The following GIPC2 variants were observed in gnomAD, a reference collection of about 807,000 sequenced individuals.
GIPC2 encodes PDZ domain-containing protein GIPC2.
A neutral mutation model predicts 30.6 loss-of-function variants in GIPC2; 30 were observed. The observed-to-expected ratio is 0.98, with a 90% CI of 0.73 to 1.33. The LOEUF (loss-of-function observed/expected upper bound fraction) is 1.33, where lower values mean the gene tolerates loss of function less well. GIPC2 is among the 40% of genes most tolerant of loss of function. The pLI is 0.00. For synonymous variants in GIPC2, 167 were observed against 150.0 expected (o/e 1.11, Z -0.83); for missense variants, 414 against 390.3 (o/e 1.06, Z -0.51).
chr1:78,068,135 A>T (rs191670855), intron 1 of GIPC2, among the ~76,000 whole-genome samples: 1 of 152,350 alleles, frequency 6.6e-6, no homozygotes, highest in East Asian at 1.9e-4. Context: ...TAAGCCAAAA[A>T]AAAAACCTTT....
Position 78,101,166 on chromosome 1 carries a change from G to C in GIPC2, c.607+6034G>C, listed in dbSNP as rs1400579991. ...GGGGCAGAAAGAGAAGGAGGAGCCA[G>C]CACTGAGGAATGGCCAGACATGGAG... On this transcript the variant is annotated intron_variant, in intron 3 of 5. Coordinates refer to ENST00000370759, the MANE Select transcript of GIPC2 (RefSeq NM_017655.6). Among the ~76,000 whole-genome samples the C allele has an allele frequency of 3.3e-5, 5 of 152,292 alleles. No homozygotes were observed. In the South Asian group the frequency reaches 8.3e-4, roughly 25 times the overall value.
At chr1:78,123,795 C>T (rs1230978315) in intron 4 of GIPC2, among the ~76,000 whole-genome samples, 1 of 152,164 alleles carries the variant, frequency 6.6e-6, no homozygotes, top group African/African-American at 2.4e-5. Context: ...GTCACCGTAA[C>T]TTAAAACGTG....
Position 78,093,792 on chromosome 1 carries a change from C to T in GIPC2, c.427-1160C>T, listed in dbSNP as rs548691532. ...TATCATTCCTATGAAGGATTTGGGA[C>T]TTCTGAGACAGATTATGGCCTTCAT... is the stretch of plus-strand genomic sequence containing the variant. On this transcript the variant is annotated intron_variant, in intron 2 of 5. Coordinates refer to ENST00000370759, the MANE Select transcript of GIPC2 (RefSeq NM_017655.6). 2.0e-5 allele frequency among the ~76,000 whole-genome samples: 3 copies of T among 152,278 alleles called. No individual in the cohort carries two copies. The East Asian group carries it at 5.8e-4, about 29-fold the overall frequency.
chr1:78,114,036 T>G (rs1338920149), intron 3 of GIPC2, among the ~76,000 whole-genome samples: 1 of 152,192 alleles, frequency 6.6e-6, no homozygotes, highest in Non-Finnish European at 1.5e-5. Flanking sequence ...CAAAAAGGTC[T>G]GGGAACAAAC....
intron 4 of GIPC2, among the ~76,000 whole-genome samples, chr1:78,122,138 A>G (rs1455459706): frequency 1.3e-5 from 2 of 152,216 alleles, no homozygotes; most frequent in Non-Finnish European, 2.9e-5. Flanking sequence ...GATTCATTCA[A>G]AGATAAACAT....
intron 2 of GIPC2, among the ~76,000 whole-genome samples, chr1:78,087,860 G>A (rs771011654): frequency 2.0e-5 from 3 of 152,082 alleles, no homozygotes; most frequent in South Asian, 2.1e-4. Context: ...TGCAAACTAT[G>A]TATCTGATAA....
chr1:78,054,421 A>T (rs1044899711), intron 1 of GIPC2, among the ~76,000 whole-genome samples: 8 of 152,242 alleles, frequency 5.3e-5, no homozygotes, highest in Non-Finnish European at 1.2e-4. Context: ...GTAAGACTAC[A>T]AATGTCCTTG....
At chr1:78,135,066 A>G (rs1217336383) in intron 5 of GIPC2, among the ~76,000 whole-genome samples, 2 of 152,206 alleles carry the variant, frequency 1.3e-5, no homozygotes, top group African/African-American at 2.4e-5. Context: ...CCACAGGTAG[A>G]CAGATGTCTT....
chr1:78,065,041 G>C (rs900399816), intron 1 of GIPC2, among the ~76,000 whole-genome samples: 1 of 151,896 alleles, frequency 6.6e-6, no homozygotes, highest in Non-Finnish European at 1.5e-5. Context: ...CACTGTGCCC[G>C]GCCCTCACTG....
chr1:78,106,904 G>A (rs1662364107), intron 3 of GIPC2, among the ~76,000 whole-genome samples: 1 of 152,052 alleles, frequency 6.6e-6, no homozygotes, highest in South Asian at 2.1e-4. Context: ...TCGAACTCGC[G>A]ACCTCAGGTG....
intron 1 of GIPC2, 96 bp downstream of exon 1, chr1:78,046,430 C>G: frequency 8.4e-7 from 1 of 1,188,820 alleles, no homozygotes; most frequent in Non-Finnish European, 1.2e-6. Context: ...GCGGCGTTTC[C>G]CGGAGCGCGA....
chr1:78,126,727 C>T (rs148170212), intron 5 of GIPC2, among the ~76,000 whole-genome samples: 3 of 152,280 alleles, frequency 2.0e-5, no homozygotes, highest in East Asian at 3.9e-4. Context: ...TTCAGTCTCT[C>T]CCTCATGGGG....
chr1:78,109,387 A>G (rs1044975979), intron 3 of GIPC2, among the ~76,000 whole-genome samples: 1 of 152,234 alleles, frequency 6.6e-6, no homozygotes, highest in African/African-American at 2.4e-5. Context: ...AACCAATGAG[A>G]GTTATTTACC....
intron 3 of GIPC2, among the ~76,000 whole-genome samples, chr1:78,106,939 G>T (rs1013114635): frequency 6.6e-6 from 1 of 152,090 alleles, no homozygotes; most frequent in East Asian, 1.9e-4. Flanking sequence ...GCCTCCCAAG[G>T]TGCTGGGATT....
chr1:78,094,084 T>G (rs1328874390), intron 2 of GIPC2, among the ~76,000 whole-genome samples: 4 of 152,200 alleles, frequency 2.6e-5, no homozygotes, highest in Non-Finnish European at 5.9e-5. Context: ...TGAAAAACAA[T>G]AGCATCAAAT....
intron 3 of GIPC2, among the ~76,000 whole-genome samples, chr1:78,107,897 T>C (rs1294452274): frequency 6.7e-6 from 1 of 148,304 alleles, no homozygotes; most frequent in Non-Finnish European, 1.5e-5. Flanking sequence ...TTATTCTACG[T>C]ATTGTAGCTT....
chr1:78,069,030 G>A, intron 1 of GIPC2: 1 of 980,846 alleles, frequency 1.0e-6, no homozygotes, highest in Non-Finnish European at 1.2e-6. Context: ...AGTCTTGCAG[G>A]CAGGAATGGC....
chr1:78,137,229 C>G lies in GIPC2; in HGVS notation c.*1486C>G, dbSNP rs905144829. ...GTTGCTTATCATTTGAAAATAAAAT[C>G]CAGCTCAGGTTGTAACTTGTTGGTA... On this transcript the variant is annotated 3_prime_UTR_variant, in exon 6 of 6. Coordinates refer to ENST00000370759, the MANE Select transcript of GIPC2 (RefSeq NM_017655.6). 5.3e-5 allele frequency: 8 copies of G among 152,044 alleles called. No homozygotes were observed. The highest frequency in any genetic ancestry group is 1.9e-4 in the African/African-American group (8 of 41,398). 9.4% of individuals were successfully genotyped at this position (152,044 alleles called of 1,614,324 possible).
At chr1:78,059,404 G>C (rs1571476749) in intron 1 of GIPC2, among the ~76,000 whole-genome samples, 1 of 152,230 alleles carries the variant, frequency 6.6e-6, no homozygotes, top group Non-Finnish European at 1.5e-5. Context: ...CAAGTGGCTT[G>C]ACTATAGAAA....
Sources: gnomAD v4.1 joint callset for allele counts (sites outside exome capture counted in the v4.1 genomes callset) on GRCh38, gnomAD v4.1.1 for gene constraint, MANE v1.5 for transcripts, NCBI Gene and HGNC (gene_info 2026-07-23, HGNC 2026-07-21) for gene names.